The following SMAD1 variants were observed in gnomAD, a reference collection of about 807,000 sequenced individuals.
SMAD1 encodes MAD, mothers against decapentaplegic homolog 1.
A neutral mutation model predicts 41.6 loss-of-function variants in SMAD1; 6 were observed. That is an observed-to-expected ratio of 0.14 (90% confidence interval 0.08 to 0.28). The LOEUF (loss-of-function observed/expected upper bound fraction) is 0.28. SMAD1 is among the 10% of genes least tolerant of loss of function. The pLI is 1.00. For missense variants in SMAD1, 379 were observed against 582.6 expected, an observed-to-expected ratio of 0.65 and a Z score of 3.60; for synonymous variants, 206 against 203.2, an observed-to-expected ratio of 1.01 and a Z score of -0.12.
chr4:145,492,705 C>T (rs2126942416), intron 1 of SMAD1, among the ~76,000 whole-genome samples: 1 of 152,348 alleles, frequency 6.6e-6, no homozygotes, highest in East Asian at 1.9e-4. Context: ...AGTCTCAATC[C>T]TCTAATCTTG....
intron 4 of SMAD1, 54 bp downstream of exon 4, chr4:145,542,752 G>A: frequency 8.2e-7 from 1 of 1,221,146 alleles, no homozygotes; most frequent in Non-Finnish European, 1.2e-6. Context: ...TTGTCCAGAT[G>A]TTACTTTCTC....
intron 1 of SMAD1, among the ~76,000 whole-genome samples, chr4:145,488,412 A>G (rs530779585): frequency 2.0e-5 from 3 of 152,116 alleles, no homozygotes; most frequent in African/African-American, 7.2e-5. Context: ...ATTTTGCTCT[A>G]CAATCTGAGA....
In SMAD1 at chr4:145,514,116, C is replaced by G. The variant is rs982025258; in HGVS notation, c.-176-322C>G. Among the ~76,000 whole-genome samples the G allele has an allele frequency of 2.6e-5, 4 of 152,114 alleles. No homozygotes were observed. The highest frequency in any genetic ancestry group is 4.4e-5 in the Non-Finnish European group (3 of 68,012). ...GCTCTCTTCCTGGCTTGCAGATGATCACCTTCTTGCAGTACCCTCAGTGTG... is the reference window on the plus strand; with the variant it reads ...GCTCTCTTCCTGGCTTGCAGATGATGACCTTCTTGCAGTACCCTCAGTGTG... On this transcript the variant is annotated intron_variant, in intron 1 of 6. Coordinates refer to ENST00000302085, the MANE Select transcript of SMAD1 (RefSeq NM_005900.3). This position sits in a 1 kb window ranked among gnomAD's most constrained non-coding sequence, Gnocchi z 4.7.
chr4:145,540,791 C>A (rs1283569213), intron 3 of SMAD1, among the ~76,000 whole-genome samples: 1 of 147,742 alleles, frequency 6.8e-6, no homozygotes, highest in East Asian at 2.0e-4. Flanking sequence ...AAGAAAGATA[C>A]CCTAAACAAA....
At chr4:145,505,259 G>T (rs1435564839) in intron 1 of SMAD1, among the ~76,000 whole-genome samples, 2 of 152,164 alleles carry the variant, frequency 1.3e-5, no homozygotes, top group Admixed American at 1.3e-4. Context: ...AACAAGGCAA[G>T]AGTTGATCTC....
intron 2 of SMAD1, among the ~76,000 whole-genome samples, chr4:145,537,306 G>A (rs148427993): frequency 6.6e-6 from 1 of 152,048 alleles, no homozygotes; most frequent in Admixed American, 6.6e-5. Flanking sequence ...TAGGGTAAAG[G>A]GACATGTATG....
chr4:145,555,349 A>G (rs1732779033), intron 6 of SMAD1, among the ~76,000 whole-genome samples: 1 of 152,168 alleles, frequency 6.6e-6, no homozygotes, highest in African/African-American at 2.4e-5. Flanking sequence ...TTTAATTGGT[A>G]TGGAGGAAAG....
intron 1 of SMAD1, among the ~76,000 whole-genome samples, chr4:145,498,646 A>G (rs1003231121): frequency 6.6e-6 from 1 of 152,166 alleles, no homozygotes; most frequent in Non-Finnish European, 1.5e-5. Context: ...TAGGCCTTTA[A>G]AAATGCACAT....
chr4:145,514,824 C>G lies in SMAD1; in HGVS notation c.211C>G (p.Leu71Val), dbSNP rs774689895. Residue 71 changes from leucine to valine, a missense_variant, in exon 2 of 7, where the codon CTG (leucine) becomes GTG (valine). Physicochemically the swap from Leu to Val is conservative, Grantham distance 32. This residue lies in a region of SMAD1 where 64 missense variants were observed against 153.9 expected (regional missense o/e 0.42). Transcript: ENST00000302085. The surrounding 1 kb of genome is among the most constrained non-coding windows in gnomAD (Gnocchi z 4.7). ...TAACTGTGTCACCATTCCCCGCTCT[C>G]TGGATGGCAGGCTGCAAGTCTCCCA... ...PSNCVTIPRS[L>V]DGRLQVSHRK... 1 of 1,614,158 alleles carries G rather than the reference C, an allele frequency of 6.2e-7. No homozygotes were observed. Among genetic ancestry groups the G allele is most frequent in the Non-Finnish European group, 8.5e-7 (1 of 1,180,034 alleles).
At chr4:145,517,237 C>G (rs1730459688) in intron 2 of SMAD1, 1 of 152,304 alleles carries the variant, frequency 6.6e-6, no homozygotes, top group African/African-American at 2.4e-5. Flanking sequence ...CTTGAGTTCT[C>G]TGGAAACATT....
intron 4 of SMAD1, chr4:145,546,299 A>C: frequency 5.4e-6 from 1 of 184,756 alleles, no homozygotes; most frequent in South Asian, 1.2e-4. Context: ...TCAGTCTTCT[A>C]TTGTTCTCTT....
intron 2 of SMAD1, among the ~76,000 whole-genome samples, chr4:145,519,421 A>G (rs772427541): frequency 2.1e-5 from 3 of 146,212 alleles, no homozygotes; most frequent in African/African-American, 7.4e-5. Flanking sequence ...TCACCATACT[A>G]ATTTCTTTTT....
chr4:145,488,117 GA>G (rs1190647829), intron 1 of SMAD1, among the ~76,000 whole-genome samples: 3 of 151,030 alleles, frequency 2.0e-5, no homozygotes, highest in African/African-American at 7.3e-5. Flanking sequence ...TTTGAAAAAG[GA>G]ACTTTTTTTT....
chr4:145,486,532 G>C (rs1340963287), intron 1 of SMAD1, among the ~76,000 whole-genome samples: 3 of 152,092 alleles, frequency 2.0e-5, no homozygotes, highest in Admixed American at 6.5e-5. Flanking sequence ...AAGAATCGAT[G>C]AAACTATGGA....
chr4:145,509,848 A>G (rs965658928), intron 1 of SMAD1, among the ~76,000 whole-genome samples: 1 of 152,216 alleles, frequency 6.6e-6, no homozygotes, highest in African/African-American at 2.4e-5. Context: ...TTTAAAAAGG[A>G]AAACAGCGGA....
rs1463433730 is a variant in SMAD1, at chr4:145,482,588, GACCCCGGC to G, written c.-177+551_-177+558del. On this transcript the variant is annotated intron_variant, in intron 1 of 6. Transcript: ENST00000302085. The surrounding 1 kb of genome is among the most constrained non-coding windows in gnomAD (Gnocchi z 4.2). Reference sequence around the variant, plus strand: ...GGTGGAGCGGGTCTCGCGGGCGGGGGACCCCGGCGCCCCGGGCCCCTCCACATCCCGCA... The same window carrying G: ...GGTGGAGCGGGTCTCGCGGGCGGGGGGCCCCGGGCCCCTCCACATCCCGCA... 6.7e-6 allele frequency: 1 copy of G among 149,080 alleles called. No individual in the cohort carries two copies. Among genetic ancestry groups the G allele is most frequent in the East Asian group, 2.1e-4 (1 of 4,758 alleles). 9.2% of individuals were successfully genotyped at this position (149,080 alleles called of 1,614,324 possible).
intron 1 of SMAD1, among the ~76,000 whole-genome samples, chr4:145,487,746 T>C (rs1173089064): frequency 6.6e-6 from 1 of 152,216 alleles, no homozygotes; most frequent in Non-Finnish European, 1.5e-5. Flanking sequence ...TAAGATGGTG[T>C]CAGTTTTAGA....
intron 2 of SMAD1, among the ~76,000 whole-genome samples, chr4:145,534,668 G>T (rs1381813237): frequency 6.6e-6 from 1 of 152,098 alleles, no homozygotes. Flanking sequence ...GTCAAAGATG[G>T]GCTTTTAATG....
At chr4:145,492,539 C>A (rs1240991259) in intron 1 of SMAD1, among the ~76,000 whole-genome samples, 1 of 152,214 alleles carries the variant, frequency 6.6e-6, no homozygotes, top group Non-Finnish European at 1.5e-5. Context: ...GGAACCTCTG[C>A]ATGTTCAGCT....
Sources: allele counts gnomAD v4.1 joint callset (sites outside exome capture counted in the v4.1 genomes callset), GRCh38; gene constraint gnomAD v4.1.1; regional missense constraint gnomAD v4.1.1; non-coding constraint Gnocchi (gnomAD v3.1); transcripts MANE v1.5; gene names NCBI Gene and HGNC (gene_info 2026-07-23, HGNC 2026-07-21).